Variants in DNAH1 observed in about 807,000 individuals in gnomAD.
DNAH1 encodes dynein axonemal heavy chain 1, also known as axonemal beta dynein heavy chain 1.
In DNAH1, 327 loss-of-function variants were observed where a neutral mutation model predicts 484.3. That is an observed-to-expected ratio of 0.68 (90% confidence interval 0.62 to 0.74). The LOEUF (loss-of-function observed/expected upper bound fraction) is 0.74, where lower values mean the gene tolerates loss of function less well. Ranked by LOEUF, DNAH1 falls within the 30% of genes least tolerant of loss-of-function variation. The pLI, the probability that DNAH1 is intolerant of heterozygous loss-of-function variation, is 0.00. For missense variants in DNAH1, 5,052 were observed against 5,546.8 expected (o/e 0.91, Z 2.83); for synonymous variants, 2,192 against 2,191.9 (o/e 1.00, Z 0.00).
At chr3:52,390,844 A>G (rs1704340343) in intron 60 of DNAH1, 91 bp from the exon 61 acceptor site, 7 of 1,528,246 alleles carry the variant, frequency 4.6e-6, no homozygotes, top group Non-Finnish European at 6.2e-6. Flanking sequence ...GGAAGTCCAT[A>G]GCCGAAACAC....
Position 52,393,395 on chromosome 3 carries a change from C to T in DNAH1, c.10536C>T (p.Asn3512=), listed in dbSNP as rs779438835. Residue 3512 remains asparagine, a synonymous_variant, in exon 66 of 78, where the codon AAC becomes AAT. Coordinates refer to ENST00000420323, the MANE Select transcript of DNAH1 (RefSeq NM_015512.5). ...ACCTGACCTACAGCCTCTACAGCAA[C>T]GTCTGCCGCAGCCTCTTTGAGAAGC... ...NRYLTYSLYS[N]VCRSLFEKHK... The T allele has an allele frequency of 1.8e-5, 29 of 1,613,924 alleles. No homozygotes were observed. In the South Asian group the frequency reaches 1.9e-4, roughly 10 times the overall value.
At chr3:52,311,844 C>T (rs988238835), upstream of DNAH1, among the ~76,000 whole-genome samples, 3 of 152,208 alleles carry the variant, frequency 2.0e-5, no homozygotes, top group Non-Finnish European at 4.4e-5. Context: ...AGCCTGACGG[C>T]CCACAGGGAC....
Position 52,364,934 on chromosome 3 carries a change from C to T in DNAH1, c.5433C>T (p.Thr1811=), listed in dbSNP as rs369715404. The stretch of plus-strand genomic sequence containing the variant: ...GCATCGTGTCCGACCTGTTTCCCAC[C>T]ATCAAGGAGGAGGACACGGACTACG... ...FSGIVSDLFP[T]IKEEDTDYGI... is the part of the protein sequence containing the mutation. Residue 1811 remains threonine (T), a synonymous_variant, in exon 34 of 78, where the codon ACC becomes ACT. Transcript: ENST00000420323. The surrounding 1 kb of genome is among the most constrained non-coding windows in gnomAD (Gnocchi z 4.2). The T allele has an allele frequency of 6.2e-7, 1 of 1,613,882 alleles. No individual in the cohort carries two copies. Among genetic ancestry groups the T allele is most frequent in the Non-Finnish European group, 8.5e-7 (1 of 1,179,890 alleles).
chr3:52,395,037 A>G lies in DNAH1; in HGVS notation c.10946A>G (p.Glu3649Gly). The change falls in exon 68 of 78, where the codon GAG becomes GGG. Residue 3649 changes from glutamate to glycine, a missense_variant. Glu to Gly is a moderately conservative substitution (Grantham distance 98). Around this residue, in one of 4 missense-constraint regions of DNAH1, gnomAD observed 853 missense variants for 899.0 expected, o/e 0.95. Coordinates refer to ENST00000420323, the MANE Select transcript of DNAH1 (RefSeq NM_015512.5). The surrounding 1 kb of genome is among the most constrained non-coding windows in gnomAD (Gnocchi z 4.4). ...AMQDFVATNL[E>G]PRFIEPQTAN... ...CAGGACTTTGTGGCCACCAACCTGG[A>G]GCCACGCTTCATTGAACCCCAGGCA... 1 of 1,610,282 alleles carries G rather than the reference A, an allele frequency of 6.2e-7. No homozygotes were observed. The highest frequency in any genetic ancestry group is 8.5e-7 in the Non-Finnish European group (1 of 1,178,302).
Position 52,378,713 on chromosome 3 carries a change from C to T in DNAH1, c.7310C>T (p.Thr2437Ile), listed in dbSNP as rs200196097. The change falls in exon 47 of 78, where the codon ACC becomes ATC. Residue 2437 changes from threonine to isoleucine, a missense_variant. Physicochemically the swap from Thr to Ile is moderately conservative, Grantham distance 89 (BLOSUM62 -1). This residue lies in a region of DNAH1 where 2,929 missense variants were observed against 3,409.4 expected (regional missense o/e 0.86). Coordinates refer to ENST00000420323, the MANE Select transcript of DNAH1 (RefSeq NM_015512.5). ...LLPTPAKSHY[T>I]FNLRDLSKVF... ...CCCACTCCAGCCAAGTCCCACTACACCTTCAACCTGAGGGACCTCTCCAAG... is the reference window on the plus strand; with the variant it reads ...CCCACTCCAGCCAAGTCCCACTACATCTTCAACCTGAGGGACCTCTCCAAG... The T allele has an allele frequency of 8.1e-6, 13 of 1,613,720 alleles. No homozygotes were observed. The highest frequency in any genetic ancestry group is 1.1e-5 in the Non-Finnish European group (13 of 1,179,894).
Position 52,358,213 on chromosome 3 carries a change from G to A in DNAH1, c.4086+210G>A, listed in dbSNP as rs959336298. On this transcript the variant is annotated intron_variant, in intron 24 of 77. Transcript: ENST00000420323. The surrounding 1 kb of genome is among the most constrained non-coding windows in gnomAD (Gnocchi z 4.2). ...GCCCTGGATTTCCAACTCACCAGGCGCTCCCTGTGCCCCCAGCACACTGCA... is the reference window on the plus strand; with the variant it reads ...GCCCTGGATTTCCAACTCACCAGGCACTCCCTGTGCCCCCAGCACACTGCA... Among the ~76,000 whole-genome samples the A allele has an allele frequency of 2.0e-5, 3 of 152,204 alleles. No individual in the cohort carries two copies. The highest frequency in any genetic ancestry group is 2.9e-5 in the Non-Finnish European group (2 of 68,030).
At chr3:52,388,359 G>A (rs1305990660) in intron 57 of DNAH1, 25 bp downstream of exon 57, 2 of 1,599,990 alleles carry the variant, frequency 1.3e-6, no homozygotes, top group African/African-American at 1.3e-5. Context: ...GAGCTGGTGG[G>A]GGAGGGCTCC....
At chr3:52,311,397 C>T (rs935541161), upstream of DNAH1, among the ~76,000 whole-genome samples, 1 of 152,250 alleles carries the variant, frequency 6.6e-6, no homozygotes, top group African/African-American at 2.4e-5. Context: ...AGGGCAATGG[C>T]GCACCCGGGG....
At position 52,382,313 on chromosome 3, in the gene DNAH1, C is replaced by T; in HGVS notation, c.7806-7C>T. On this transcript the variant is annotated splice_polypyrimidine_tract_variant and splice_region_variant and intron_variant, in intron 49 of 77. Coordinates refer to ENST00000420323, the MANE Select transcript of DNAH1 (RefSeq NM_015512.5). ...TGGCATGCTTCAACCCAAACTTCTG[C>T]CTCCAGGGCCGAGTACGAGTGCTTC... is the stretch of plus-strand genomic sequence containing the variant. The T allele has an allele frequency of 6.2e-7, 1 of 1,613,958 alleles. No individual in the cohort carries two copies. Among genetic ancestry groups the T allele is most frequent in the Admixed American group, 1.7e-5 (1 of 60,018 alleles).
intron 77 of DNAH1, 100 bp downstream of exon 77, chr3:52,399,879 AG>A: frequency 7.9e-7 from 1 of 1,260,352 alleles, no homozygotes; most frequent in Non-Finnish European, 1.1e-6. Flanking sequence ...TGAACAAGGA[AG>A]GACAACAGAG....
At chr3:52,314,435 G>C (rs1040886412), upstream of DNAH1, among the ~76,000 whole-genome samples, 2 of 152,204 alleles carry the variant, frequency 1.3e-5, no homozygotes, top group Non-Finnish European at 2.9e-5. Flanking sequence ...GGGGAGAGGA[G>C]GTGAGGGTGG....
chr3:52,397,509 G>A (rs535704778), intron 73 of DNAH1, among the ~76,000 whole-genome samples, 198 bp from the exon 74 acceptor site: 57 of 152,334 alleles, frequency 3.7e-4, no homozygotes, highest in African/African-American at 1.3e-3. Flanking sequence ...GTAACAAGGA[G>A]GCTGGGAGGG....
In DNAH1 at chr3:52,354,891, C is replaced by T. The variant is rs753783425; in HGVS notation, c.3529C>T (p.Leu1177=). Residue 1177 remains leucine, a synonymous_variant, in exon 21 of 78, where the codon CTG becomes TTG. Transcript: ENST00000420323. Reference sequence around the variant, plus strand: ...GTGGTCGACCATCCTGTTCAATGTACTGCCCTACAAGGCGACAGACACCTA... The same window carrying T: ...GTGGTCGACCATCCTGTTCAATGTATTGCCCTACAAGGCGACAGACACCTA... ...KEWSTILFNV[L]PYKATDTYIL... is the part of the protein sequence containing the mutation. The T allele has an allele frequency of 6.2e-7, 1 of 1,614,008 alleles. No homozygotes were observed. The highest frequency in any genetic ancestry group is 8.5e-7 in the Non-Finnish European group (1 of 1,179,900).
At chr3:52,394,830 C>A in intron 67 of DNAH1, 85 bp from the exon 68 acceptor site, 1 of 1,547,182 alleles carries the variant, frequency 6.5e-7, no homozygotes. Context: ...CCACTCTCCC[C>A]AGCTGTCCGG....
rs2153224723 is a variant in DNAH1, at chr3:52,370,727, C to T, written c.6427C>T (p.Leu2143Phe). Reference protein sequence around the residue: ...LKMENEQLTLLFPEEGLVFDY... With the variant: ...LKMENEQLTLFFPEEGLVFDY... ...TCCTGGTTCCCGGCAGCTGACTCTG[C>T]TTTTCCCAGAAGAGGGGCTGGTGTT... The change falls in exon 41 of 78, where the codon CTT (leucine) becomes TTT (phenylalanine). Residue 2143 changes from leucine (L) to phenylalanine (F), a missense_variant. Around this residue, in one of 4 missense-constraint regions of DNAH1, gnomAD observed 2,929 missense variants for 3,409.4 expected, o/e 0.86. Coordinates refer to ENST00000420323, the MANE Select transcript of DNAH1 (RefSeq NM_015512.5). The T allele has an allele frequency of 6.2e-7, 1 of 1,602,558 alleles. No homozygotes were observed. The highest frequency in any genetic ancestry group is 8.5e-7 in the Non-Finnish European group (1 of 1,174,926).
intron 10 of DNAH1, 78 bp from the exon 11 acceptor site, chr3:52,346,394 G>C (rs1162031123): frequency 1.4e-6 from 2 of 1,443,786 alleles, no homozygotes; most frequent in Admixed American, 4.1e-5. Context: ...AAGCACCCTG[G>C]TGCATAGAGT....
chr3:52,348,879 C>A lies in DNAH1; in HGVS notation c.2107-9C>A, dbSNP rs764281997. 7.4e-6 allele frequency: 12 copies of A among 1,611,266 alleles called. No homozygotes were observed. Among genetic ancestry groups the A allele is most frequent in the African/African-American group, 5.3e-5 (4 of 74,900 alleles). On this transcript the variant is annotated splice_polypyrimidine_tract_variant and intron_variant, in intron 12 of 77. Transcript: ENST00000420323. ...CAGGTCTGCCCTGCCACATGCCTTCCCTCTGCAGCTGGTGATGGAGGACAT... is the reference window on the plus strand; with the variant it reads ...CAGGTCTGCCCTGCCACATGCCTTCACTCTGCAGCTGGTGATGGAGGACAT...
chr3:52,341,471 A>T (rs1179773331), intron 8 of DNAH1, among the ~76,000 whole-genome samples: 2 of 151,636 alleles, frequency 1.3e-5, no homozygotes, highest in Non-Finnish European at 2.9e-5. Context: ...ACTCTAGAGC[A>T]AGCATGGCAC....
Position 52,353,921 on chromosome 3 carries a change from G to A in DNAH1, c.3480+288G>A, listed in dbSNP as rs1222616608. 1 of 407,778 alleles carries A rather than the reference G, an allele frequency of 2.5e-6. No individual in the cohort carries two copies. The highest frequency in any genetic ancestry group is 4.6e-6 in the Non-Finnish European group (1 of 219,676). The allele number at this position is 407,778 out of a possible 1,614,324, so 25.3% of individuals were successfully genotyped here. On this transcript the variant is annotated intron_variant, in intron 20 of 77. Coordinates refer to ENST00000420323, the MANE Select transcript of DNAH1 (RefSeq NM_015512.5). The surrounding 1 kb of genome is among the most constrained non-coding windows in gnomAD (Gnocchi z 5.0). ...TAACAGATGTGTCAGGCCGGGTGCA[G>A]TGACACATGCCTGTAAATCCCAGCA...
Sources: allele counts gnomAD v4.1 joint callset (sites outside exome capture counted in the v4.1 genomes callset), GRCh38; gene constraint gnomAD v4.1.1; regional missense constraint gnomAD v4.1.1; non-coding constraint Gnocchi (gnomAD v3.1); transcripts MANE v1.5; gene names NCBI Gene and HGNC (gene_info 2026-07-23, HGNC 2026-07-21).